The following MECOM variants were observed in gnomAD, a reference collection of about 807,000 sequenced individuals.
MECOM encodes histone-lysine N-methyltransferase MECOM.
In MECOM, 13 loss-of-function variants were observed where a neutral mutation model predicts 116.3. The ratio of observed to expected loss-of-function variants is 0.11; its 90% confidence interval spans 0.07 to 0.18. The LOEUF (loss-of-function observed/expected upper bound fraction) is 0.18, where lower values mean the gene tolerates loss of function less well. Ranked by LOEUF, MECOM falls within the 10% of genes least tolerant of loss-of-function variation. The probability of loss-of-function intolerance (pLI) is 1.00; values close to 1 mark genes in which losing one functional copy is unlikely to be tolerated. For synonymous variants in MECOM, 528 were observed against 535.2 expected (o/e 0.99, Z 0.19); for missense variants, 1,299 against 1,509.0 (o/e 0.86, Z 2.31).
chr3:169,126,872 T>C (rs2149167902), intron 5 of MECOM, among the ~76,000 whole-genome samples: 2 of 152,186 alleles, frequency 1.3e-5, no homozygotes, highest in Middle Eastern at 6.8e-3. Flanking sequence ...AAACTGAAGT[T>C]GGACTGTCAA....
intron 2 of MECOM, among the ~76,000 whole-genome samples, chr3:169,329,303 G>A (rs968902483): frequency 6.6e-6 from 1 of 152,126 alleles, no homozygotes; most frequent in Non-Finnish European, 1.5e-5. Context: ...TATGCTATAA[G>A]CTTTAAGCTA....
intron 2 of MECOM, among the ~76,000 whole-genome samples, chr3:169,172,872 G>T (rs185579927): frequency 3.9e-5 from 6 of 152,106 alleles, no homozygotes; most frequent in Admixed American, 2.6e-4. Context: ...GAAAAATAAG[G>T]TCCCAATGCT....
chr3:169,579,067 C>G (rs1318989938), intron 1 of MECOM, among the ~76,000 whole-genome samples: 1 of 152,172 alleles, frequency 6.6e-6, no homozygotes, highest in African/African-American at 2.4e-5. Flanking sequence ...CCCTTTTGAG[C>G]TGCTCTGGCA....
At chr3:169,238,110 G>T (rs544413044) in intron 2 of MECOM, among the ~76,000 whole-genome samples, 7 of 150,926 alleles carry the variant, frequency 4.6e-5, no homozygotes, top group African/African-American at 1.2e-4. Flanking sequence ...AGGGGGCAAA[G>T]GTTGGAGTGA....
chr3:169,471,153 G>T (rs988834773), intron 1 of MECOM, among the ~76,000 whole-genome samples: 1 of 151,964 alleles, frequency 6.6e-6, no homozygotes, highest in South Asian at 2.1e-4. Context: ...CAGCATGCCC[G>T]TCTGATTTTT....
chr3:169,354,781 GT>G (rs769567587), intron 2 of MECOM, among the ~76,000 whole-genome samples: 11 of 151,076 alleles, frequency 7.3e-5, no homozygotes, highest in African/African-American at 2.2e-4. Flanking sequence ...TGTTTGTTCA[GT>G]TTTTCCCCCC....
chr3:169,132,657 C>T (rs1735113918), intron 3 of MECOM, among the ~76,000 whole-genome samples: 1 of 151,896 alleles, frequency 6.6e-6, no homozygotes, highest in South Asian at 2.1e-4. Flanking sequence ...TATTCCTTTG[C>T]CTCATATATT....
At chr3:169,130,186 T>A (rs1254707896) in intron 4 of MECOM, among the ~76,000 whole-genome samples, 3 of 152,152 alleles carry the variant, frequency 2.0e-5, no homozygotes, top group Non-Finnish European at 4.4e-5. Flanking sequence ...ACTTTTGGAG[T>A]ATTAACCTAA....
At chr3:169,615,442 T>C (rs1299989601) in intron 1 of MECOM, among the ~76,000 whole-genome samples, 1 of 152,266 alleles carries the variant, frequency 6.6e-6, no homozygotes, top group Non-Finnish European at 1.5e-5. Flanking sequence ...AGATTACTTA[T>C]ATATTAGTAG....
In MECOM at chr3:169,341,178, C is replaced by A. The variant is rs188665287; in HGVS notation, c.375+40009G>T. Among the ~76,000 whole-genome samples, 287 of 152,180 alleles carry A rather than the reference C, an allele frequency of 1.9e-3. 2 individuals are homozygous for A. The highest frequency in any genetic ancestry group is 6.5e-3 in the African/African-American group (272 of 41,556). The stretch of plus-strand genomic sequence containing the variant: ...TTTACCAATTTGTTATTTAAATAAT[C>A]TCTACTAAGTCATTCTTTTTCTTTG... On this transcript the variant is annotated intron_variant, in intron 2 of 16. Coordinates refer to ENST00000651503, the MANE Select transcript of MECOM (RefSeq NM_004991.4).
At chr3:169,093,666 T>A (rs1720565491) in intron 13 of MECOM, among the ~76,000 whole-genome samples, 1 of 152,184 alleles carries the variant, frequency 6.6e-6, no homozygotes, top group South Asian at 2.1e-4. Flanking sequence ...ATATTAGATA[T>A]GCTGATTACA....
At chr3:169,099,654 A>C (rs1298383341) in intron 12 of MECOM, among the ~76,000 whole-genome samples, 2 of 152,162 alleles carry the variant, frequency 1.3e-5, no homozygotes, top group South Asian at 2.1e-4. Flanking sequence ...TTTTTGTTTT[A>C]ATAGAAAAAC....
At chr3:169,089,217 C>A (rs760828816) in intron 15 of MECOM, 34 bp from the exon 16 acceptor site, 11 of 1,423,940 alleles carry the variant, frequency 7.7e-6, no homozygotes, top group Admixed American at 2.7e-5. Context: ...CAGAAATTTT[C>A]TTTTCATTTG....
intron 1 of MECOM, among the ~76,000 whole-genome samples, chr3:169,394,027 T>C (rs1734640172): frequency 1.3e-5 from 2 of 152,280 alleles, no homozygotes; most frequent in South Asian, 4.1e-4. Context: ...GAAAATCTAC[T>C]GGAGACAGGA....
At chr3:169,109,712 G>A (rs568919179) in intron 9 of MECOM, among the ~76,000 whole-genome samples, 51 of 152,144 alleles carry the variant, frequency 3.4e-4, no homozygotes, top group Admixed American at 2.9e-3. Context: ...CACCGCACCC[G>A]GCCTCTTCTA....
intron 1 of MECOM, among the ~76,000 whole-genome samples, chr3:169,540,358 C>G (rs1056481827): frequency 4.6e-5 from 7 of 152,132 alleles, no homozygotes; most frequent in Non-Finnish European, 1.0e-4. Flanking sequence ...GTTCTCCATG[C>G]CCAAATGCCA....
At chr3:169,136,025 G>A (rs1426979496) in intron 3 of MECOM, among the ~76,000 whole-genome samples, 1 of 151,666 alleles carries the variant, frequency 6.6e-6, no homozygotes, top group Non-Finnish European at 1.5e-5. Flanking sequence ...TATTATACAT[G>A]TATATAGAAA....
intron 1 of MECOM, among the ~76,000 whole-genome samples, chr3:169,424,227 A>G (rs934588532): frequency 6.6e-6 from 1 of 152,126 alleles, no homozygotes; most frequent in East Asian, 1.9e-4. Context: ...GAAAACTAAG[A>G]CAAGCATCAT....
chr3:169,254,340 G>T (rs1310776163), intron 2 of MECOM, among the ~76,000 whole-genome samples: 4 of 152,086 alleles, frequency 2.6e-5, no homozygotes, highest in Non-Finnish European at 5.9e-5. Context: ...TTCAGCTTTT[G>T]CTCTAGCCCT....
Sources: allele counts gnomAD v4.1 joint callset (sites outside exome capture counted in the v4.1 genomes callset), GRCh38; gene constraint gnomAD v4.1.1; transcripts MANE v1.5; gene names NCBI Gene and HGNC (gene_info 2026-07-23, HGNC 2026-07-21).